Variants in ATP10D observed in about 807,000 individuals in gnomAD.
The protein encoded by ATP10D is ATPase phospholipid transporting 10D (putative).
A neutral mutation model predicts 144.8 loss-of-function variants in ATP10D; 89 were observed. That is an observed-to-expected ratio of 0.61 (90% CI 0.52 to 0.73). ATP10D has a LOEUF of 0.73. Ranked by LOEUF, ATP10D falls within the 30% of genes least tolerant of loss-of-function variation. The pLI, the probability that ATP10D is intolerant of heterozygous loss-of-function variation, is 0.00. For synonymous variants in ATP10D, 571 were observed against 615.1 expected (o/e 0.93, Z 1.06); for missense variants, 1,603 against 1,714.8 (o/e 0.93, Z 1.15).
At chr4:47,560,517 C>CA (rs1007699335) in intron 13 of ATP10D, among the ~76,000 whole-genome samples, 188 of 151,950 alleles carry the variant, frequency 1.2e-3, no homozygotes, top group African/African-American at 4.0e-3. Flanking sequence ...AACAAACAAA[C>CA]AAAAAAAACA....
Position 47,591,550 on chromosome 4 carries a change from G to C in ATP10D, c.*169G>C, listed in dbSNP as rs1312006505. On this transcript the variant is annotated 3_prime_UTR_variant, in exon 23 of 23. Transcript: ENST00000273859. ...ATTGTATGTTTGTATATACATTTGT[G>C]ATAGAGGGCTAGAGTTTGACCTAGA... is the stretch of plus-strand genomic sequence containing the variant. 2 of 536,712 alleles carry C rather than the reference G, an allele frequency of 3.7e-6. No individual in the cohort carries two copies. The highest frequency in any genetic ancestry group is 6.4e-6 in the Non-Finnish European group (2 of 312,244). The allele number at this position is 536,712 out of a possible 1,614,324, so 33.2% of individuals were successfully genotyped here.
At position 47,586,989 on chromosome 4, in the gene ATP10D, T is replaced by C. The variant is rs1350042986; in HGVS notation, c.3754-30T>C. On this transcript the variant is annotated intron_variant, in intron 21 of 22. Transcript: ENST00000273859. ...GCAATACTGTATCAGTGACAGAGCA[T>C]TCATTTCCTCTGCTCTTCTTGTCTT... The C allele has an allele frequency of 3.1e-6, 5 of 1,596,372 alleles. No individual in the cohort carries two copies. In the Admixed American group the frequency reaches 5.0e-5, roughly 16 times the overall value.
intron 1 of ATP10D, chr4:47,491,030 T>TC (rs1485756082): frequency 2.2e-5 from 16 of 716,432 alleles, no homozygotes; most frequent in Non-Finnish European, 4.2e-5. Flanking sequence ...TCAGGTTCCT[T>TC]CCCATTGGCT....
Position 47,593,372 on chromosome 4 carries a change from ATCAT to A in ATP10D, c.*1996_*1999del, listed in dbSNP as rs1228074248. ...CTATTTATGTACTTTGCTTAATGTA[ATCAT>A]TCATATACTTTGCTACAAAAATATT... On this transcript the variant is annotated 3_prime_UTR_variant, in exon 23 of 23. Transcript: ENST00000273859. 1 of 152,100 alleles carries A rather than the reference ATCAT, an allele frequency of 6.6e-6. No individual in the cohort carries two copies. Among genetic ancestry groups the A allele is most frequent in the Admixed American group, 6.6e-5 (1 of 15,256 alleles). 9.4% of individuals were successfully genotyped at this position (152,100 alleles called of 1,614,324 possible). A position where few individuals can be genotyped will look rare whatever the true frequency, so the allele number is the denominator to read the frequency against.
intron 8 of ATP10D, 26 bp downstream of exon 8, chr4:47,536,590 G>C: frequency 6.2e-7 from 1 of 1,609,172 alleles, no homozygotes; most frequent in Admixed American, 1.7e-5. Flanking sequence ...GCTTATGGTA[G>C]AATTTTAACA....
intron 11 of ATP10D, among the ~76,000 whole-genome samples, chr4:47,556,118 C>G (rs548370094): frequency 2.0e-5 from 3 of 152,198 alleles, no homozygotes; most frequent in African/African-American, 4.8e-5. Context: ...ATTTTCAATG[C>G]GGAGGAAAAC....
At position 47,558,296 on chromosome 4, in the gene ATP10D, TA is replaced by T. The variant is rs1560444534; in HGVS notation, c.2434+24del. On this transcript the variant is annotated intron_variant, in intron 12 of 22. Coordinates refer to ENST00000273859, the MANE Select transcript of ATP10D (RefSeq NM_020453.4). ...CAGGTAAGTTTATACAAAAGTGAAATAGTAGTGATTTGAAAAGCTCGGAGAT... is the reference window on the plus strand; with the variant it reads ...CAGGTAAGTTTATACAAAAGTGAAATGTAGTGATTTGAAAAGCTCGGAGAT... The T allele has an allele frequency of 2.5e-6, 4 of 1,600,490 alleles. No homozygotes were observed. The African/African-American group carries it at 4.0e-5, about 16-fold the overall frequency.
intron 14 of ATP10D, among the ~76,000 whole-genome samples, chr4:47,563,353 G>A (rs920954208): frequency 3.3e-5 from 5 of 152,140 alleles, no homozygotes; most frequent in Non-Finnish European, 5.9e-5. Context: ...AAAGGAGAAC[G>A]AGTAAGTTTG....
rs1721120000 is a variant in ATP10D at position 47,593,251 on chromosome 4, A to G, written c.*1870A>G. On this transcript the variant is annotated 3_prime_UTR_variant, in exon 23 of 23. Coordinates refer to ENST00000273859, the MANE Select transcript of ATP10D (RefSeq NM_020453.4). ...TGAGTGCTAATGTTACAGGGCCACA[A>G]TCTCATATCCACAATTCCAAAATCT... The G allele has an allele frequency of 1.3e-5, 2 of 152,088 alleles. No individual in the cohort carries two copies. The highest frequency in any genetic ancestry group is 2.9e-5 in the Non-Finnish European group (2 of 67,978). 9.4% of individuals were successfully genotyped at this position (152,088 alleles called of 1,614,324 possible).
intron 1 of ATP10D, among the ~76,000 whole-genome samples, chr4:47,504,623 C>T (rs545947811): frequency 3.9e-5 from 6 of 151,984 alleles, no homozygotes; most frequent in African/African-American, 9.6e-5. Context: ...AGTGCAGTGG[C>T]GTGATCTCGG....
At chr4:47,497,079 G>A (rs955520572) in intron 1 of ATP10D, among the ~76,000 whole-genome samples, 35 of 152,170 alleles carry the variant, frequency 2.3e-4, no homozygotes, top group Admixed American at 4.6e-4. Context: ...GACCTCAGGC[G>A]ATCCTCCCAC....
chr4:47,519,766 A>G (rs960891785), intron 3 of ATP10D, among the ~76,000 whole-genome samples: 1 of 152,114 alleles, frequency 6.6e-6, no homozygotes, highest in Non-Finnish European at 1.5e-5. Flanking sequence ...GTTTGCCCCC[A>G]TAGTAGCCTG....
intron 1 of ATP10D, among the ~76,000 whole-genome samples, chr4:47,505,951 C>T (rs1449458465): frequency 6.6e-6 from 1 of 152,030 alleles, no homozygotes; most frequent in African/African-American, 2.4e-5. Context: ...ATTCATTATC[C>T]TGTATTTACC....
In ATP10D at chr4:47,512,678, G is replaced by C; in HGVS notation, c.138G>C (p.Leu46=). 1.9e-6 allele frequency: 3 copies of C among 1,614,180 alleles called. No individual in the cohort carries two copies. Among genetic ancestry groups the C allele is most frequent in the Non-Finnish European group, 2.5e-6 (3 of 1,180,026 alleles). The change falls in exon 2 of 23, where the codon CTG becomes CTC. Residue 46 remains leucine (L), a synonymous_variant. Coordinates refer to ENST00000273859, the MANE Select transcript of ATP10D (RefSeq NM_020453.4). ...GCAAGTCCTCTCAGACCCCTAAACT[G>C]TCAGGAAGGCACCGGATTGTTGTTC... ...CGRKSSQTPK[L]SGRHRIVVPH... is the part of the protein sequence containing the mutation.
rs537302061 is a variant in ATP10D, at chr4:47,539,975, T to G, written c.1396+3037T>G. ...AATGCTATCCTGACTGAACTGTAAT[T>G]GATAAGCTACCTGTTTGGGAACCAA... On this transcript the variant is annotated intron_variant, in intron 9 of 22. Coordinates refer to ENST00000273859, the MANE Select transcript of ATP10D (RefSeq NM_020453.4). Among the ~76,000 whole-genome samples, 20 of 152,368 alleles carry G rather than the reference T, an allele frequency of 1.3e-4. No individual in the cohort carries two copies. The South Asian group carries it at 4.1e-3, about 32-fold the overall frequency.
At chr4:47,590,948 C>T (rs1674404937) in intron 22 of ATP10D, 94 bp from the exon 23 acceptor site, 4 of 962,192 alleles carry the variant, frequency 4.2e-6, no homozygotes, top group African/African-American at 1.7e-5. Context: ...GCCACCAGAC[C>T]CTTTTACTTT....
chr4:47,535,801 C>T, intron 6 of ATP10D, 101 bp from the exon 7 acceptor site: 1 of 1,391,830 alleles, frequency 7.2e-7, no homozygotes, highest in Non-Finnish European at 9.7e-7. Flanking sequence ...GATCATGTAA[C>T]TGTGTTTTAT....
At chr4:47,590,994 A>C in intron 22 of ATP10D, 48 bp from the exon 23 acceptor site, 1 of 1,235,866 alleles carries the variant, frequency 8.1e-7, no homozygotes, top group South Asian at 1.6e-5. Context: ...GGGGTTCTGT[A>C]ATGCATTTGA....
At position 47,587,211 on chromosome 4, in the gene ATP10D, G is replaced by A; in HGVS notation, c.3941+5G>A. On this transcript the variant is annotated splice_donor_5th_base_variant and intron_variant, in intron 22 of 22. Coordinates refer to ENST00000273859, the MANE Select transcript of ATP10D (RefSeq NM_020453.4). ...GTCCATTGCTCTTCTGCCCAGGTAT[G>A]GTATTTATTTTATCATTGAGAGAAT... 6.2e-7 allele frequency: 1 copy of A among 1,602,710 alleles called. No individual in the cohort carries two copies. The highest frequency in any genetic ancestry group is 8.5e-7 in the Non-Finnish European group (1 of 1,173,854).
Sources: gnomAD v4.1 joint callset for allele counts (sites outside exome capture counted in the v4.1 genomes callset) on GRCh38, gnomAD v4.1.1 for gene constraint, MANE v1.5 for transcripts, NCBI Gene and HGNC (gene_info 2026-07-23, HGNC 2026-07-21) for gene names.